The following PDLIM1 variants were observed in gnomAD, a reference collection of about 807,000 sequenced individuals.
PDLIM1 encodes PDZ and LIM domain protein 1.
A neutral mutation model predicts 35.2 loss-of-function variants in PDLIM1; 25 were observed. The ratio of observed to expected loss-of-function variants is 0.71; its 90% CI spans 0.52 to 0.99. PDLIM1 has a LOEUF of 0.99. Among genes scored for constraint, PDLIM1 ranks in the 50% least tolerant of loss-of-function variants. The probability of loss-of-function intolerance (pLI) is 0.00; values close to 1 mark genes in which losing one functional copy is unlikely to be tolerated. For missense variants in PDLIM1, 363 were observed against 415.3 expected (o/e 0.87, Z 1.09); for synonymous variants, 152 against 154.0 (o/e 0.99, Z 0.10).
chr10:95,247,070 T>C (rs1204012933), intron 5 of PDLIM1, 145 bp downstream of exon 5: 7 of 708,778 alleles, frequency 9.9e-6, no homozygotes, highest in South Asian at 1.9e-5. Flanking sequence ...TCTCTCCCTC[T>C]ATCTCTTTTT....
At chr10:95,251,500 T>TAGGAG (rs561689826) in intron 4 of PDLIM1, among the ~76,000 whole-genome samples, 128 of 152,142 alleles carry the variant, frequency 8.4e-4, no homozygotes, top group Admixed American at 8.2e-3. Context: ...CGCTTGAACC[T>TAGGAG]AGGAGGCAGA....
At chr10:95,269,084 A>T (rs2035440216) in intron 2 of PDLIM1, among the ~76,000 whole-genome samples, 3 of 152,128 alleles carry the variant, frequency 2.0e-5, no homozygotes, top group Non-Finnish European at 2.9e-5. Context: ...GGGCTTCCCA[A>T]GCACTTCATC....
chr10:95,276,292 T>C (rs181998868), intron 1 of PDLIM1, among the ~76,000 whole-genome samples: 1 of 152,036 alleles, frequency 6.6e-6, no homozygotes, highest in East Asian at 1.9e-4. Context: ...CAAACTCAAC[T>C]GTCAAAGCCA....
At chr10:95,286,623 G>A (rs1002443281) in intron 1 of PDLIM1, among the ~76,000 whole-genome samples, 7 of 152,194 alleles carry the variant, frequency 4.6e-5, no homozygotes, top group Non-Finnish European at 1.0e-4. Context: ...GAGACCTACT[G>A]GAAGCGAAAT....
chr10:95,265,642 C>T (rs1056727679), intron 3 of PDLIM1, among the ~76,000 whole-genome samples: 8 of 143,366 alleles, frequency 5.6e-5, no homozygotes, highest in Non-Finnish European at 1.1e-4. Context: ...TGGCTGGGTG[C>T]AGTGGCTCAC....
chr10:95,275,883 ATTTC>A (rs1254068857), intron 1 of PDLIM1, among the ~76,000 whole-genome samples: 3 of 150,740 alleles, frequency 2.0e-5, no homozygotes, highest in Admixed American at 6.6e-5. Flanking sequence ...TTTCAGTATA[ATTTC>A]TTTGTTTTTT....
At chr10:95,257,937 G>C (rs533112427) in intron 4 of PDLIM1, among the ~76,000 whole-genome samples, 1 of 152,308 alleles carries the variant, frequency 6.6e-6, no homozygotes, top group Non-Finnish European at 1.5e-5. Context: ...TCATGCCGCA[G>C]ATAAAGATAT....
chr10:95,257,381 G>C (rs906617295), intron 4 of PDLIM1, among the ~76,000 whole-genome samples: 14 of 151,770 alleles, frequency 9.2e-5, no homozygotes, highest in African/African-American at 3.4e-4. Context: ...AGAGTGAAAA[G>C]GCAACTTATG....
In PDLIM1 at chr10:95,239,312, C is replaced by T. The variant is rs138777524; in HGVS notation, c.686-627G>A. On this transcript the variant is annotated intron_variant, in intron 5 of 6. Transcript: ENST00000329399. ...GGGCAAAGATTTCATGATGAAAACC[C>T]GAAAAGCAATTGTAACAAAAGCAAA... 1.8e-3 allele frequency among the ~76,000 whole-genome samples: 267 copies of T among 152,200 alleles called. 3 individuals carry two copies. The highest frequency in any genetic ancestry group is 6.0e-3 in the African/African-American group (249 of 41,508).
intron 5 of PDLIM1, among the ~76,000 whole-genome samples, chr10:95,243,649 C>T (rs1486381833): frequency 6.6e-6 from 1 of 152,166 alleles, no homozygotes; most frequent in Non-Finnish European, 1.5e-5. Flanking sequence ...CCTCTGGCCA[C>T]CACTGTGTTT....
Position 95,268,882 on chromosome 10 carries a change from C to G in PDLIM1, c.249-20G>C. 1 of 1,533,876 alleles carries G rather than the reference C, an allele frequency of 6.5e-7. No individual in the cohort carries two copies. The highest frequency in any genetic ancestry group is 1.4e-5 in the African/African-American group (1 of 73,484). ...TCAGATCTGCAACAGATTAACAAAGCTGCTGTTTCACTCATGTAAAATAAA... is the reference window on the plus strand; with the variant it reads ...TCAGATCTGCAACAGATTAACAAAGGTGCTGTTTCACTCATGTAAAATAAA... On this transcript the variant is annotated intron_variant, in intron 2 of 6. Coordinates refer to ENST00000329399, the MANE Select transcript of PDLIM1 (RefSeq NM_020992.4).
intron 4 of PDLIM1, 27 bp from the exon 5 acceptor site, chr10:95,247,393 T>C: frequency 1.9e-6 from 3 of 1,595,860 alleles, no homozygotes; most frequent in East Asian, 4.5e-5. Flanking sequence ...AAAAATTGAT[T>C]AGGACATGAC....
chr10:95,245,017 C>A (rs1020721443), intron 5 of PDLIM1, among the ~76,000 whole-genome samples: 1 of 152,156 alleles, frequency 6.6e-6, no homozygotes, highest in African/African-American at 2.4e-5. Context: ...AGATTTAATG[C>A]GGGTACACAG....
intron 4 of PDLIM1, among the ~76,000 whole-genome samples, chr10:95,248,270 G>A (rs769815445): frequency 3.3e-5 from 5 of 152,098 alleles, no homozygotes; most frequent in Non-Finnish European, 7.4e-5. Context: ...TTAGAGACAG[G>A]GACTCACTCT....
At chr10:95,277,196 T>C (rs989381382) in intron 1 of PDLIM1, among the ~76,000 whole-genome samples, 16 of 150,480 alleles carry the variant, frequency 1.1e-4, no homozygotes, top group African/African-American at 3.7e-4. Context: ...GCCTGGGTGA[T>C]AGAGTGAGAC....
chr10:95,272,323 T>C (rs1208718527), intron 1 of PDLIM1, among the ~76,000 whole-genome samples: 1 of 152,198 alleles, frequency 6.6e-6, no homozygotes, highest in Admixed American at 6.5e-5. Context: ...GCACACTAAA[T>C]TGTTCACAGT....
chr10:95,245,490 T>A (rs1442518462), intron 5 of PDLIM1, among the ~76,000 whole-genome samples: 1 of 152,152 alleles, frequency 6.6e-6, no homozygotes, highest in Non-Finnish European at 1.5e-5. Context: ...CTGCAGCATG[T>A]CTAGTTGGGC....
At position 95,276,531 on chromosome 10, in the gene PDLIM1, C is replaced by T. The variant is rs946609361; in HGVS notation, c.97-4747G>A. On this transcript the variant is annotated intron_variant, in intron 1 of 6. Coordinates refer to ENST00000329399, the MANE Select transcript of PDLIM1 (RefSeq NM_020992.4). ...CCTGTGCCTCCAACACTGGATAGTT[C>T]CTGTCTTGAATGGTGGATTCCAATC... 3.9e-5 allele frequency among the ~76,000 whole-genome samples: 6 copies of T among 152,220 alleles called. No homozygotes were observed. The East Asian group carries it at 1.2e-3, about 29-fold the overall frequency.
At chr10:95,242,336 T>A (rs1239932524) in intron 5 of PDLIM1, among the ~76,000 whole-genome samples, 1 of 152,150 alleles carries the variant, frequency 6.6e-6, no homozygotes, top group Non-Finnish European at 1.5e-5. Flanking sequence ...TTTTTAATAT[T>A]GCATTTAAAT....
Sources: gnomAD v4.1 joint callset for allele counts (sites outside exome capture counted in the v4.1 genomes callset) on GRCh38, gnomAD v4.1.1 for gene constraint, MANE v1.5 for transcripts, NCBI Gene and HGNC (gene_info 2026-07-23, HGNC 2026-07-21) for gene names.